The following TP53BP1 variants were observed in gnomAD, a reference collection of about 807,000 sequenced individuals.
The protein encoded by TP53BP1 is tumor protein p53 binding protein 1, also known as TP53-binding protein 1.
Under a neutral mutation model 200.8 loss-of-function variants are expected in TP53BP1, and 61 were observed. The ratio of observed to expected loss-of-function variants is 0.30; its 90% CI spans 0.25 to 0.38. The LOEUF (loss-of-function observed/expected upper bound fraction) is 0.38. Ranked by LOEUF, TP53BP1 falls within the 10% of genes least tolerant of loss-of-function variation. TP53BP1 has a pLI of 1.00. For synonymous variants in TP53BP1, 822 were observed against 844.3 expected (o/e 0.97, Z 0.46); for missense variants, 2,144 against 2,371.9 (o/e 0.90, Z 2.00).
chr15:43,404,888 TA>T lies in TP53BP1; in HGVS notation c.*2494del. The T allele has an allele frequency of 2.0e-6, 1 of 492,614 alleles. No individual in the cohort carries two copies. Among genetic ancestry groups the T allele is most frequent in the South Asian group, 2.7e-5 (1 of 36,950 alleles). The allele number at this position is 492,614 out of a possible 1,614,324, so 30.5% of individuals were successfully genotyped here. A position where few individuals can be genotyped will look rare whatever the true frequency, so the allele number is the denominator to read the frequency against. On this transcript the variant is annotated 3_prime_UTR_variant, in exon 28 of 28. Coordinates refer to ENST00000382044, the MANE Select transcript of TP53BP1 (RefSeq NM_001141980.3). Reference sequence around the variant, plus strand: ...GTGGGCACCCCGCCTTGCTGGTCCCTAGCTTCCGCATCTGTGAAAGGAGGCG... The same window carrying T: ...GTGGGCACCCCGCCTTGCTGGTCCCTGCTTCCGCATCTGTGAAAGGAGGCG...
chr15:43,403,430 ATG>A lies in TP53BP1; in HGVS notation c.*3951_*3952del. 2.9e-6 allele frequency: 1 copy of A among 349,972 alleles called. No homozygotes were observed. The allele number at this position is 349,972 out of a possible 1,614,324, so 21.7% of individuals were successfully genotyped here. A position where few individuals can be genotyped will look rare whatever the true frequency, so the allele number is the denominator to read the frequency against. On this transcript the variant is annotated 3_prime_UTR_variant, in exon 28 of 28. Transcript: ENST00000382044. Reference sequence around the variant, plus strand: ...GCGGGTCTAAGAAATGAAGAGTTAAATGTGGCTAGATTGGAGGTTTGGTGCAG... The same window carrying A: ...GCGGGTCTAAGAAATGAAGAGTTAAATGGCTAGATTGGAGGTTTGGTGCAG...
At chr15:43,435,496 T>C (rs1287336469) in intron 16 of TP53BP1, among the ~76,000 whole-genome samples, 3 of 152,042 alleles carry the variant, frequency 2.0e-5, no homozygotes, top group African/African-American at 4.8e-5. Context: ...GGCAATACAA[T>C]GACATCAATA....
intron 15 of TP53BP1, among the ~76,000 whole-genome samples, chr15:43,439,651 C>A (rs78856242): frequency 0.011 from 1,620 of 152,204 alleles, 34 homozygotes; most frequent in African/African-American, 0.038. Context: ...GCAAACAAGT[C>A]GAATTTTTTT....
At chr15:43,455,273 G>A (rs890129460) in intron 12 of TP53BP1, among the ~76,000 whole-genome samples, 11 of 151,894 alleles carry the variant, frequency 7.2e-5, no homozygotes, top group Non-Finnish European at 1.2e-4. Context: ...CAAGGCAACT[G>A]TCAAAATCTA....
At chr15:43,435,897 T>C (rs539340230) in intron 16 of TP53BP1, among the ~76,000 whole-genome samples, 7 of 152,246 alleles carry the variant, frequency 4.6e-5, no homozygotes, top group Admixed American at 3.9e-4. Flanking sequence ...CGTTTTACCA[T>C]GTTGGCCAGG....
chr15:43,415,655 G>A lies in TP53BP1; in HGVS notation c.5028C>T (p.Ile1676=), dbSNP rs2045248364. The A allele has an allele frequency of 6.2e-7, 1 of 1,614,218 alleles. No homozygotes were observed. The highest frequency in any genetic ancestry group is 8.5e-7 in the Non-Finnish European group (1 of 1,180,030). Residue 1676 remains isoleucine (I), a synonymous_variant, in exon 23 of 28, where the codon ATC becomes ATT. Coordinates refer to ENST00000382044, the MANE Select transcript of TP53BP1 (RefSeq NM_001141980.3). Reference sequence around the variant, plus strand: ...CAGGGGACCGTTCCTCTTCAGAAGTGATAAGTTTTCTTTTGCCTGAGAGAA... The same window carrying A: ...CAGGGGACCGTTCCTCTTCAGAAGTAATAAGTTTTCTTTTGCCTGAGAGAA... ...MGVLSGKRKL[I]TSEEERSPAK...
At chr15:43,428,983 A>G (rs1245542883) in intron 17 of TP53BP1, among the ~76,000 whole-genome samples, 7 of 152,236 alleles carry the variant, frequency 4.6e-5, no homozygotes, top group African/African-American at 1.7e-4. Context: ...CAGGACAGGT[A>G]AAACTCATTC....
intron 11 of TP53BP1, among the ~76,000 whole-genome samples, chr15:43,466,674 T>C (rs763956556): frequency 6.6e-6 from 1 of 152,026 alleles, no homozygotes; most frequent in Non-Finnish European, 1.5e-5. Flanking sequence ...CTGGGCAACA[T>C]AGTGAGGTCC....
exon 1 of TP53BP1, chr15:43,510,595 G>A (rs1039546450): frequency 6.2e-5 from 13 of 209,468 alleles, no homozygotes; most frequent in South Asian, 3.7e-4. Flanking sequence ...GAGGCAGAGA[G>A]GGACAAGATG....
rs34740611 is a variant in TP53BP1 at position 43,432,445 on chromosome 15, C to T, written c.3424G>A (p.Glu1142Lys). 71 of 1,614,154 alleles carry T rather than the reference C, an allele frequency of 4.4e-5. No individual in the cohort carries two copies. In the African/African-American group the frequency reaches 7.2e-4, roughly 16 times the overall value. The part of the protein sequence containing the change: ...DQKEGRSTNK[E>K]NPSKALIERP... The stretch of plus-strand genomic sequence containing the variant: ...TCAATCAAGGCCTTACTAGGATTTT[C>T]CTTATTAGTACTCCGTCCTTCTTTC... The change falls in exon 17 of 28, where the codon GAA becomes AAA. Residue 1142 changes from glutamate to lysine, a missense_variant. Physicochemically the swap from Glu to Lys is moderately conservative, Grantham distance 56. This residue lies in a region of TP53BP1 where 1,700 missense variants were observed against 1,710.3 expected (regional missense o/e 0.99). Coordinates refer to ENST00000382044, the MANE Select transcript of TP53BP1 (RefSeq NM_001141980.3).
chr15:43,407,646 T>A, intron 27 of TP53BP1, 76 bp from the exon 28 acceptor site: 1 of 1,389,192 alleles, frequency 7.2e-7, no homozygotes, highest in East Asian at 2.4e-5. Flanking sequence ...GATTTGATTC[T>A]AACCAATACA....
chr15:43,493,914 G>T (rs1271607319), upstream of TP53BP1, among the ~76,000 whole-genome samples: 1 of 152,072 alleles, frequency 6.6e-6, no homozygotes, highest in Non-Finnish European at 1.5e-5. Context: ...CAAACTCCAT[G>T]GTAAAGAGAA....
chr15:43,421,694 C>A, intron 19 of TP53BP1, 161 bp downstream of exon 19: 3 of 1,094,010 alleles, frequency 2.7e-6, no homozygotes, highest in Non-Finnish European at 3.8e-6. Flanking sequence ...ACTTCCCACA[C>A]AAACCCAAAA....
At chr15:43,463,914 C>T (rs770523086) in intron 11 of TP53BP1, among the ~76,000 whole-genome samples, 4 of 152,192 alleles carry the variant, frequency 2.6e-5, no homozygotes, top group African/African-American at 9.7e-5. Context: ...CCCAACCCCC[C>T]TTCCCACCCA....
At chr15:43,438,004 G>A (rs1262827782) in intron 16 of TP53BP1, among the ~76,000 whole-genome samples, 1 of 152,238 alleles carries the variant, frequency 6.6e-6, no homozygotes, top group African/African-American at 2.4e-5. Context: ...ATCACATGGT[G>A]AGGGTGCATT....
At chr15:43,455,704 G>A (rs1326203513) in intron 12 of TP53BP1, among the ~76,000 whole-genome samples, 188 bp downstream of exon 12, 1 of 151,308 alleles carries the variant, frequency 6.6e-6, no homozygotes, top group African/African-American at 2.4e-5. Flanking sequence ...CTGGGCAACA[G>A]AGCGGGACTC....
At chr15:43,421,427 A>C (rs1448187131) in intron 19 of TP53BP1, among the ~76,000 whole-genome samples, 1 of 152,194 alleles carries the variant, frequency 6.6e-6, no homozygotes, top group Admixed American at 6.5e-5. Flanking sequence ...CTGCAAAAAC[A>C]GCACACCCAA....
Position 43,404,764 on chromosome 15 carries a change from G to C in TP53BP1, c.*2619C>G, listed in dbSNP as rs1339024003. 1 of 582,206 alleles carries C rather than the reference G, an allele frequency of 1.7e-6. No homozygotes were observed. The highest frequency in any genetic ancestry group is 2.9e-6 in the Non-Finnish European group (1 of 340,574). 36.1% of individuals were successfully genotyped at this position (582,206 alleles called of 1,614,324 possible). On this transcript the variant is annotated 3_prime_UTR_variant, in exon 28 of 28. Transcript: ENST00000382044. ...TCATAAAATACTAAAAAACCTGACA[G>C]TGAGATAGGTGTTAAGTCCTTTGCT...
At chr15:43,489,675 A>G (rs1259328747) in intron 4 of TP53BP1, among the ~76,000 whole-genome samples, 1 of 152,244 alleles carries the variant, frequency 6.6e-6, no homozygotes, top group Non-Finnish European at 1.5e-5. Context: ...CAACAGAAAC[A>G]AGAAATGCCA....
Sources: allele counts gnomAD v4.1 joint callset (sites outside exome capture counted in the v4.1 genomes callset), GRCh38; gene constraint gnomAD v4.1.1; regional missense constraint gnomAD v4.1.1; transcripts MANE v1.5; gene names NCBI Gene and HGNC (gene_info 2026-07-23, HGNC 2026-07-21).